The following PALLD variants were observed in gnomAD, a reference collection of about 807,000 sequenced individuals.
PALLD encodes palladin.
A neutral mutation model predicts 123.5 loss-of-function variants in PALLD; 61 were observed. That is an observed-to-expected ratio of 0.49 (90% confidence interval 0.40 to 0.61). The LOEUF (loss-of-function observed/expected upper bound fraction) is 0.61. Among genes scored for constraint, PALLD ranks in the 20% least tolerant of loss-of-function variants. The pLI is 0.00. For missense variants in PALLD, 1,273 were observed against 1,377.0 expected (o/e 0.92, Z 1.20); for synonymous variants, 465 against 496.4 (o/e 0.94, Z 0.84).
At chr4:168,605,189 A>G (rs1173722989) in intron 2 of PALLD, among the ~76,000 whole-genome samples, 3 of 151,674 alleles carry the variant, frequency 2.0e-5, no homozygotes, top group Non-Finnish European at 2.9e-5. Context: ...CTTGGATCCT[A>G]TGTTTTCAGC....
At chr4:168,830,279 G>T (rs947015292) in intron 10 of PALLD, among the ~76,000 whole-genome samples, 1 of 149,198 alleles carries the variant, frequency 6.7e-6, no homozygotes, top group African/African-American at 2.5e-5. Flanking sequence ...CGGTGGTCAC[G>T]CCTGGGAGGC....
chr4:168,852,469 T>A (rs1048958634), intron 10 of PALLD, among the ~76,000 whole-genome samples: 2 of 151,962 alleles, frequency 1.3e-5, no homozygotes, highest in African/African-American at 4.8e-5. Flanking sequence ...CTGGGCAACA[T>A]AGCTAGACTA....
At chr4:168,723,797 T>C (rs1379640456) in intron 10 of PALLD, among the ~76,000 whole-genome samples, 9 of 152,152 alleles carry the variant, frequency 5.9e-5, no homozygotes, top group Admixed American at 5.9e-4. Flanking sequence ...ATATAATTAC[T>C]ACTTACTTTT....
chr4:168,839,270 T>G (rs540217878), intron 10 of PALLD, among the ~76,000 whole-genome samples: 8 of 152,250 alleles, frequency 5.3e-5, no homozygotes, highest in African/African-American at 1.9e-4. Context: ...CTTAATTGTA[T>G]ACTCTTTTGT....
intron 2 of PALLD, among the ~76,000 whole-genome samples, chr4:168,566,398 A>G (rs1356783306): frequency 6.6e-6 from 1 of 152,164 alleles, no homozygotes; most frequent in Non-Finnish European, 1.5e-5. Context: ...CCCAGGGTCA[A>G]TCAATCCTCC....
At chr4:168,781,828 C>T (rs916888031) in intron 10 of PALLD, among the ~76,000 whole-genome samples, 5 of 151,996 alleles carry the variant, frequency 3.3e-5, no homozygotes, top group African/African-American at 9.7e-5. Flanking sequence ...AAAGTCATGC[C>T]ATCATTATAT....
intron 10 of PALLD, among the ~76,000 whole-genome samples, chr4:168,714,920 GA>G (rs1033747004): frequency 1.2e-4 from 17 of 147,564 alleles, no homozygotes; most frequent in African/African-American, 2.0e-4. Flanking sequence ...TGCGGGAAAA[GA>G]AAAAAAAAAT....
intron 10 of PALLD, among the ~76,000 whole-genome samples, chr4:168,756,681 G>A (rs1370559716): frequency 6.6e-6 from 1 of 152,156 alleles, no homozygotes; most frequent in Admixed American, 6.5e-5. Flanking sequence ...AGAGATCTGT[G>A]GCCAGGTTAA....
At chr4:168,644,946 C>CA (rs1777294603) in intron 2 of PALLD, among the ~76,000 whole-genome samples, 1 of 151,888 alleles carries the variant, frequency 6.6e-6, no homozygotes, top group African/African-American at 2.4e-5. Context: ...ACTAAAAACA[C>CA]AAAAATTAGC....
chr4:168,886,380 A>C (rs1165948055), intron 10 of PALLD, among the ~76,000 whole-genome samples: 2 of 152,144 alleles, frequency 1.3e-5, no homozygotes, highest in East Asian at 3.9e-4. Context: ...AGTGGCTCAC[A>C]CCTGTAATTC....
chr4:168,742,096 T>C (rs888410145), intron 10 of PALLD, among the ~76,000 whole-genome samples: 1 of 152,178 alleles, frequency 6.6e-6, no homozygotes, highest in Non-Finnish European at 1.5e-5. Flanking sequence ...AGCTTTGCTA[T>C]TCTGAGTGTT....
chr4:168,565,077 C>CA (rs1768240521), intron 2 of PALLD, among the ~76,000 whole-genome samples: 1 of 151,692 alleles, frequency 6.6e-6, no homozygotes, highest in Admixed American at 6.6e-5. Context: ...CCTGTAGTCC[C>CA]AGCTACTCAG....
intron 2 of PALLD, among the ~76,000 whole-genome samples, chr4:168,624,463 C>T (rs1775051547): frequency 6.6e-6 from 1 of 152,120 alleles, no homozygotes; most frequent in East Asian, 1.9e-4. Flanking sequence ...AGATCATTCT[C>T]ATCCCAAAGC....
chr4:168,613,384 A>G (rs141407821), intron 2 of PALLD, among the ~76,000 whole-genome samples: 514 of 152,342 alleles, frequency 3.4e-3, no homozygotes, highest in Non-Finnish European at 5.9e-3. Context: ...ATCAAAGAGC[A>G]TGCACCGTAA....
chr4:168,849,035 A>T (rs993789437), intron 10 of PALLD, among the ~76,000 whole-genome samples: 10 of 152,322 alleles, frequency 6.6e-5, no homozygotes, highest in African/African-American at 2.4e-4. Context: ...AAAATTCGTT[A>T]AAAAAGCAGG....
intron 10 of PALLD, among the ~76,000 whole-genome samples, chr4:168,817,540 T>G (rs1296496230): frequency 6.6e-6 from 1 of 152,202 alleles, no homozygotes; most frequent in Non-Finnish European, 1.5e-5. Context: ...CTGTCAGTAC[T>G]TGTTTTAATC....
chr4:168,785,058 C>CTTTTTTTTTTTTTTTTTTTTTT (rs746597278), intron 10 of PALLD, among the ~76,000 whole-genome samples: 1 of 84,830 alleles, frequency 1.2e-5, no homozygotes, highest in East Asian at 5.5e-4. Flanking sequence ...CTCCCTTTTG[C>CTTTTTTTTTTTTTTTTTTTTTT]TTTTTTTTTT....
intron 10 of PALLD, among the ~76,000 whole-genome samples, chr4:168,761,654 T>TGTTTG (rs1732910596): frequency 5.2e-5 from 2 of 38,792 alleles, no homozygotes; most frequent in Admixed American, 2.0e-4. Flanking sequence ...TGTTTTTTTT[T>TGTTTG]TTTTTTTTTT....
chr4:168,688,199 G>A (rs1300634982), intron 6 of PALLD, among the ~76,000 whole-genome samples: 1 of 152,192 alleles, frequency 6.6e-6, no homozygotes, highest in African/African-American at 2.4e-5. Flanking sequence ...GTCACTCATA[G>A]CACCTTCACT....
Sources: gnomAD v4.1 joint callset for allele counts (sites outside exome capture counted in the v4.1 genomes callset) on GRCh38, gnomAD v4.1.1 for gene constraint, MANE v1.5 for transcripts, NCBI Gene and HGNC (gene_info 2026-07-23, HGNC 2026-07-21) for gene names.